RAB11FIP3: variants seen among roughly 807,000 people sequenced by gnomAD.
RAB11FIP3 encodes rab11 family-interacting protein 3.
RAB11FIP3 carries 17 observed loss-of-function variants against 77.8 expected under a neutral mutation model. The ratio of observed to expected loss-of-function variants is 0.22; its 90% CI spans 0.15 to 0.33. The LOEUF is 0.33. Among genes scored for constraint, RAB11FIP3 ranks in the 10% least tolerant of loss-of-function variants. The probability of loss-of-function intolerance (pLI) is 1.00; values close to 1 mark genes in which losing one functional copy is unlikely to be tolerated. For synonymous variants in RAB11FIP3, 437 were observed against 448.2 expected (o/e 0.98, Z 0.31); for missense variants, 1,005 against 1,011.2 (o/e 0.99, Z 0.08).
chr16:491,391 C>T lies in RAB11FIP3; in HGVS notation c.1265+2391C>T, dbSNP rs2030172477. Reference sequence around the variant, plus strand: ...AGCCTCTCAGGCAGCGGGACTCTCCCTGGGGCCCCGCCTCCCACCCTGCAC... The same window carrying T: ...AGCCTCTCAGGCAGCGGGACTCTCCTTGGGGCCCCGCCTCCCACCCTGCAC... On this transcript the variant is annotated intron_variant, in intron 5 of 13. Coordinates refer to ENST00000262305, the MANE Select transcript of RAB11FIP3 (RefSeq NM_014700.4). The T allele has an allele frequency of 9.0e-6, 10 of 1,106,458 alleles. No individual in the cohort carries two copies. The South Asian group carries it at 1.2e-4, about 13-fold the overall frequency. 68.5% of individuals were successfully genotyped at this position (1,106,458 alleles called of 1,614,324 possible).
chr16:488,664 C>T (rs2029898442), intron 4 of RAB11FIP3, among the ~76,000 whole-genome samples, 187 bp from the exon 5 acceptor site: 1 of 152,042 alleles, frequency 6.6e-6, no homozygotes, highest in East Asian at 1.9e-4. Context: ...TCGCCTTGGC[C>T]TCCCAAAGTG....
rs140423430 is a variant in RAB11FIP3 at position 488,969 on chromosome 16, G to T, written c.1234G>T (p.Gly412Cys). Reference sequence around the variant, plus strand: ...AGAGACCCTATGCAACGGGCAGCTGGGCTGCAGTGACCCCGCTTTCCTCAC... The same window carrying T: ...AGAGACCCTATGCAACGGGCAGCTGTGCTGCAGTGACCCCGCTTTCCTCAC... ...SPETLCNGQL[G>C]CSDPAFLTPS... Residue 412 changes from glycine to cysteine, a missense_variant, in exon 5 of 14, where the codon GGC becomes TGC. Around this residue, in one of 4 missense-constraint regions of RAB11FIP3, gnomAD observed 433 missense variants for 436.1 expected, o/e 0.99. Transcript: ENST00000262305. 4 of 1,613,848 alleles carry T rather than the reference G, an allele frequency of 2.5e-6. No homozygotes were observed. In the African/African-American group the frequency reaches 4.0e-5, roughly 16 times the overall value.
intron 5 of RAB11FIP3, among the ~76,000 whole-genome samples, chr16:495,364 C>G (rs1479539706): frequency 6.6e-6 from 1 of 152,224 alleles, no homozygotes; most frequent in Non-Finnish European, 1.5e-5. Flanking sequence ...ACCGTGCTGT[C>G]AGGGCTTGTG....
rs1038362400 is a variant in RAB11FIP3, at chr16:507,568, CTG to C, written c.1499+1944_1499+1945del. 1.3e-5 allele frequency among the ~76,000 whole-genome samples: 2 copies of C among 152,218 alleles called. No individual in the cohort carries two copies. Among genetic ancestry groups the C allele is most frequent in the African/African-American group, 4.8e-5 (2 of 41,470 alleles). Reference sequence around the variant, plus strand: ...AGCCTAGATGCCTTTGTCGAGTTGACTGTGGAGGTTTCATTTGAGTCTGGAGT... The same window carrying C: ...AGCCTAGATGCCTTTGTCGAGTTGACTGGAGGTTTCATTTGAGTCTGGAGT... On this transcript the variant is annotated intron_variant, in intron 8 of 13. Transcript: ENST00000262305. The surrounding 1 kb of genome is among the most constrained non-coding windows in gnomAD (Gnocchi z 4.6).
At position 521,404 on chromosome 16, in the gene RAB11FIP3, T is replaced by C. The variant is rs1284395841; in HGVS notation, c.*565T>C. The C allele has an allele frequency of 6.4e-6, 1 of 156,586 alleles. No individual in the cohort carries two copies. The highest frequency in any genetic ancestry group is 1.4e-5 in the Non-Finnish European group (1 of 70,500). The allele number at this position is 156,586 out of a possible 1,614,324, so 9.7% of individuals were successfully genotyped here. Reference sequence around the variant, plus strand: ...GGCTCCCAGACCCTCACCTCGGACATGGTGGTGGGGGAAGGACGGGTGGGC... The same window carrying C: ...GGCTCCCAGACCCTCACCTCGGACACGGTGGTGGGGGAAGGACGGGTGGGC... On this transcript the variant is annotated 3_prime_UTR_variant, in exon 14 of 14. Coordinates refer to ENST00000262305, the MANE Select transcript of RAB11FIP3 (RefSeq NM_014700.4).
Position 471,102 on chromosome 16 carries a change from C to T in RAB11FIP3, c.809-193C>T, listed in dbSNP as rs2055799407. The stretch of plus-strand genomic sequence containing the variant: ...TCCTGTGGGCAACGCATCTCTGACC[C>T]GTTGGCAAGGCTGTTTTCTCTCCCT... On this transcript the variant is annotated intron_variant, in intron 2 of 13. Coordinates refer to ENST00000262305, the MANE Select transcript of RAB11FIP3 (RefSeq NM_014700.4). This position sits in a 1 kb window ranked among gnomAD's most constrained non-coding sequence, Gnocchi z 4.4. 2.0e-5 allele frequency among the ~76,000 whole-genome samples: 3 copies of T among 152,140 alleles called. No individual in the cohort carries two copies. Among genetic ancestry groups the T allele is most frequent in the South Asian group, 2.1e-4 (1 of 4,816 alleles).
chr16:496,188 G>A (rs535893113), intron 5 of RAB11FIP3, among the ~76,000 whole-genome samples: 2 of 152,334 alleles, frequency 1.3e-5, no homozygotes, highest in South Asian at 4.1e-4. Context: ...GTGTCTTCCT[G>A]CAGGCTGAGG....
chr16:488,798 C>G (rs897766615), intron 4 of RAB11FIP3, 53 bp from the exon 5 acceptor site: 52 of 1,581,928 alleles, frequency 3.3e-5, no homozygotes, highest in Non-Finnish European at 3.5e-5. Context: ...ACCCTCAGCT[C>G]GGGGGTGCCC....
In RAB11FIP3 at chr16:522,394, G is replaced by A. The variant is rs2032742522; in HGVS notation, c.*1555G>A. ...ACTCCCAGGAGACAGTGTGGGAAACGCTCCTGCTTTAATTCCCCGAGAAAC... is the reference window on the plus strand; with the variant it reads ...ACTCCCAGGAGACAGTGTGGGAAACACTCCTGCTTTAATTCCCCGAGAAAC... On this transcript the variant is annotated 3_prime_UTR_variant, in exon 14 of 14. Coordinates refer to ENST00000262305, the MANE Select transcript of RAB11FIP3 (RefSeq NM_014700.4). 1.3e-5 allele frequency: 2 copies of A among 151,916 alleles called. No individual in the cohort carries two copies. The highest frequency in any genetic ancestry group is 2.4e-5 in the African/African-American group (1 of 41,362). 9.4% of individuals were successfully genotyped at this position (151,916 alleles called of 1,614,324 possible). A position where few individuals can be genotyped will look rare whatever the true frequency, so the allele number is the denominator to read the frequency against.
chr16:480,207 C>T (rs2056007197), intron 3 of RAB11FIP3, among the ~76,000 whole-genome samples: 1 of 139,012 alleles, frequency 7.2e-6, no homozygotes, highest in African/African-American at 2.7e-5. Context: ...ATCTTTTGAA[C>T]CCGGGAGGTG....
At chr16:515,839 G>A (rs1322011636) in intron 9 of RAB11FIP3, among the ~76,000 whole-genome samples, 1 of 152,232 alleles carries the variant, frequency 6.6e-6, no homozygotes, top group African/African-American at 2.4e-5. Context: ...AACCGTGGAA[G>A]TTGGATAAAG....
At chr16:489,276 G>A (rs935331990) in intron 5 of RAB11FIP3, among the ~76,000 whole-genome samples, 10 of 152,204 alleles carry the variant, frequency 6.6e-5, no homozygotes, top group Admixed American at 5.2e-4. Context: ...CTTGGCTTGC[G>A]GGCTCCTTTG....
intron 5 of RAB11FIP3, among the ~76,000 whole-genome samples, chr16:492,656 G>C (rs960319769): frequency 6.6e-6 from 1 of 152,184 alleles, no homozygotes; most frequent in Non-Finnish European, 1.5e-5. Flanking sequence ...CCTGCTTGGG[G>C]AGGGGCCATT....
chr16:517,086 C>T (rs57982495), intron 9 of RAB11FIP3, among the ~76,000 whole-genome samples: 11,598 of 152,188 alleles, frequency 0.076, 484 homozygotes, highest in African/African-American at 0.12. Flanking sequence ...TACGGTGTGA[C>T]GGGAAGGGCC....
At chr16:454,239 G>T (rs886948332) in intron 1 of RAB11FIP3, among the ~76,000 whole-genome samples, 5 of 152,196 alleles carry the variant, frequency 3.3e-5, no homozygotes, top group South Asian at 4.1e-4. Context: ...CCCCTATAAA[G>T]TTGCTTGCTA....
chr16:519,730 C>T (rs756916262), intron 10 of RAB11FIP3, 24 bp from the exon 11 acceptor site: 28 of 1,608,800 alleles, frequency 1.7e-5, no homozygotes, highest in Non-Finnish European at 2.3e-5. Flanking sequence ...GACCCGCATC[C>T]AGGGCAGGTG....
At chr16:474,609 G>A (rs924567613) in intron 3 of RAB11FIP3, among the ~76,000 whole-genome samples, 7 of 152,096 alleles carry the variant, frequency 4.6e-5, no homozygotes, top group Admixed American at 1.3e-4. Context: ...TCACAGAATC[G>A]TCGGGCCGCG....
intron 1 of RAB11FIP3, among the ~76,000 whole-genome samples, chr16:440,096 G>A (rs1444342396): frequency 1.3e-5 from 2 of 151,936 alleles, no homozygotes; most frequent in Non-Finnish European, 2.9e-5. Context: ...CCCCCCATCG[G>A]CCTCCCAAAG....
rs767182726 is a variant in RAB11FIP3, at chr16:426,592, G to A, written c.586G>A (p.Glu196Lys). 4 of 1,598,010 alleles carry A rather than the reference G, an allele frequency of 2.5e-6. No individual in the cohort carries two copies. The South Asian group carries it at 3.4e-5, about 13-fold the overall frequency. Residue 196 changes from glutamate (E) to lysine (K), a missense_variant, in exon 1 of 14, where the codon GAG (glutamate) becomes AAG (lysine). By Grantham distance (56) the Glu-to-Lys change is moderately conservative. Coordinates refer to ENST00000262305, the MANE Select transcript of RAB11FIP3 (RefSeq NM_014700.4). This position sits in a 1 kb window ranked among gnomAD's most constrained non-coding sequence, Gnocchi z 5.0. ...DLSQTHPLPSEPVGSQEDGPR... is the reference protein window; with the variant it reads ...DLSQTHPLPSKPVGSQEDGPR... ...CAGCCAGACCCACCCCCTTCCGAGCGAGCCCGTGGGGAGTCAGGAGGACGG... is the reference window on the plus strand; with the variant it reads ...CAGCCAGACCCACCCCCTTCCGAGCAAGCCCGTGGGGAGTCAGGAGGACGG...
Sources: allele counts gnomAD v4.1 joint callset (sites outside exome capture counted in the v4.1 genomes callset), GRCh38; gene constraint gnomAD v4.1.1; regional missense constraint gnomAD v4.1.1; non-coding constraint Gnocchi (gnomAD v3.1); transcripts MANE v1.5; gene names NCBI Gene and HGNC (gene_info 2026-07-23, HGNC 2026-07-21).